Variants in HES3 observed in about 807,000 individuals in gnomAD.
HES3 encodes hes family bHLH transcription factor 3.
HES3 carries 6 observed loss-of-function variants against 8.0 expected under a neutral mutation model. The ratio of observed to expected loss-of-function variants is 0.75; its 90% confidence interval spans 0.41 to 1.49. The LOEUF (loss-of-function observed/expected upper bound fraction) is 1.49, where lower values mean the gene tolerates loss of function less well. Ranked by LOEUF, HES3 falls within the 40% of genes most tolerant of loss-of-function variation. The pLI is 0.01. For synonymous variants in HES3, 121 were observed against 119.4 expected (o/e 1.01, Z -0.09); for missense variants, 266 against 260.9 (o/e 1.02, Z -0.13).
chr1:6,244,241 G>C lies in HES3; in HGVS notation c.-16G>C, dbSNP rs1638252576. ...GCAGCCTCCCCGGCAACTTCCGAAA[G>C]GTCTGGGGTCTTGAGGGACTAGGGG... On this transcript the variant is annotated splice_region_variant and 5_prime_UTR_variant, in exon 1 of 4. Coordinates refer to ENST00000377898, the MANE Select transcript of HES3 (RefSeq NM_001024598.4). 1 of 855,058 alleles carries C rather than the reference G, an allele frequency of 1.2e-6. No individual in the cohort carries two copies. The highest frequency in any genetic ancestry group is 1.9e-6 in the Non-Finnish European group (1 of 514,994). The allele number at this position is 855,058 out of a possible 1,614,324, so 53.0% of individuals were successfully genotyped here.
At chr1:6,244,929 C>T (rs1006474065) in intron 3 of HES3, among the ~76,000 whole-genome samples, 181 bp from the exon 4 acceptor site, 1 of 151,732 alleles carries the variant, frequency 6.6e-6, no homozygotes, top group African/African-American at 2.4e-5. Flanking sequence ...GTCGTCTGAC[C>T]TCCGCCCTCC....
intron 3 of HES3, 85 bp downstream of exon 3, chr1:6,244,714 C>T: frequency 8.1e-7 from 1 of 1,235,510 alleles, no homozygotes; most frequent in Non-Finnish European, 1.2e-6. Context: ...AGGGATACCT[C>T]AAGGACCGCT....
chr1:6,245,311 C>T lies in HES3; in HGVS notation c.365C>T (p.Pro122Leu), dbSNP rs925930860. ...CCCGCGCTGTTCCGCCCTTGCACCC[C>T]TGCCGTCTGGGCTCCTGCTCCGGCC... Reference protein sequence around the residue: ...EAPALFRPCTPAVWAPAPAAG... With the variant: ...EAPALFRPCTLAVWAPAPAAG... The change falls in exon 4 of 4, where the codon CCT (proline) becomes CTT (leucine). Residue 122 changes from proline to leucine, a missense_variant. By Grantham distance (98) the Pro-to-Leu change is moderately conservative. Transcript: ENST00000377898. The T allele has an allele frequency of 5.3e-6, 8 of 1,506,918 alleles. No individual in the cohort carries two copies. Among genetic ancestry groups the T allele is most frequent in the Non-Finnish European group, 7.0e-6 (8 of 1,135,800 alleles). 93.3% of individuals were successfully genotyped at this position (1,506,918 alleles called of 1,614,324 possible).
rs1230996107 is a variant in HES3, at chr1:6,245,477, C to T, written c.531C>T (p.Pro177=). 2 of 1,517,488 alleles carry T rather than the reference C, an allele frequency of 1.3e-6. No homozygotes were observed. The highest frequency in any genetic ancestry group is 3.5e-4 in the Middle Eastern group (2 of 5,748). The allele number at this position is 1,517,488 out of a possible 1,614,324, so 94.0% of individuals were successfully genotyped here. A position where few individuals can be genotyped will look rare whatever the true frequency, so the allele number is the denominator to read the frequency against. The part of the protein sequence containing the change: ...SPGLGLRVWR[P]WGSPGDDLN ...GGCTGGGCCTGCGCGTGTGGCGGCC[C>T]TGGGGAAGCCCCGGGGATGACCTGA... Residue 177 remains proline (P), a synonymous_variant, in exon 4 of 4, where the codon CCC becomes CCT. Coordinates refer to ENST00000377898, the MANE Select transcript of HES3 (RefSeq NM_001024598.4).
chr1:6,244,714 C>A, intron 3 of HES3, 85 bp downstream of exon 3: 1 of 1,235,508 alleles, frequency 8.1e-7, no homozygotes, highest in Non-Finnish European at 1.2e-6. Flanking sequence ...AGGGATACCT[C>A]AAGGACCGCT....
rs1638286242 is a variant in HES3, at chr1:6,245,492, G to A, written c.546G>A (p.Gly182=). ...TGTGGCGGCCCTGGGGAAGCCCCGGGGATGACCTGAACTGAAGGCGCTCCC... is the reference window on the plus strand; with the variant it reads ...TGTGGCGGCCCTGGGGAAGCCCCGGAGATGACCTGAACTGAAGGCGCTCCC... ...LRVWRPWGSP[G]DDLN The change falls in exon 4 of 4, where the codon GGG becomes GGA. Residue 182 remains glycine (G), a synonymous_variant. Coordinates refer to ENST00000377898, the MANE Select transcript of HES3 (RefSeq NM_001024598.4). 2 of 1,511,946 alleles carry A rather than the reference G, an allele frequency of 1.3e-6. No homozygotes were observed. Among genetic ancestry groups the A allele is most frequent in the Non-Finnish European group, 1.7e-6 (2 of 1,144,624 alleles). The allele number at this position is 1,511,946 out of a possible 1,614,324, so 93.7% of individuals were successfully genotyped here.
Position 6,245,086 on chromosome 1 carries a change from T to C in HES3, c.164-24T>C, listed in dbSNP as rs575492349. The C allele has an allele frequency of 5.6e-4, 691 of 1,241,298 alleles. 3 individuals are homozygous for C. In the Middle Eastern group the frequency reaches 7.9e-3, roughly 14 times the overall value. The allele number at this position is 1,241,298 out of a possible 1,614,324, so 76.9% of individuals were successfully genotyped here. On this transcript the variant is annotated intron_variant, in intron 3 of 3. Coordinates refer to ENST00000377898, the MANE Select transcript of HES3 (RefSeq NM_001024598.4). Reference sequence around the variant, plus strand: ...CCTTCCCTCTCTTCCCCTCCCTGTTTCTCGCGTCCGCTCTTCCCCACAGGG... The same window carrying C: ...CCTTCCCTCTCTTCCCCTCCCTGTTCCTCGCGTCCGCTCTTCCCCACAGGG...
chr1:6,244,477 G>GGGGGGGGC, intron 2 of HES3, 31 bp downstream of exon 2: 4 of 1,094,468 alleles, frequency 3.7e-6, no homozygotes, highest in African/African-American at 1.5e-5. Flanking sequence ...GGGTGGGTGG[G>GGGGGGGGC]TGATACGATC....
At chr1:6,245,061 C>G (rs946389408) in intron 3 of HES3, 49 bp from the exon 4 acceptor site, 8 of 957,796 alleles carry the variant, frequency 8.4e-6, no homozygotes, top group African/African-American at 1.7e-5. Flanking sequence ...CTCCCCTTCC[C>G]CTTCCCTCTC....
rs1216829924 is a variant in HES3 at position 6,244,603 on chromosome 1, T to A, written c.137T>A (p.Met46Lys). ...ATCCTGGAGTTGAGCGTGAAGTACATGAGAAGCCTTCAGAACTCCTTGCAA... is the reference window on the plus strand; with the variant it reads ...ATCCTGGAGTTGAGCGTGAAGTACAAGAGAAGCCTTCAGAACTCCTTGCAA... ...ADILELSVKY[M>K]RSLQNSLQGL... Residue 46 changes from methionine (M) to lysine (K), a missense_variant, in exon 3 of 4, where the codon ATG (methionine) becomes AAG (lysine). Physicochemically the swap from Met to Lys is moderately conservative, Grantham distance 95. Transcript: ENST00000377898. 1.2e-5 allele frequency: 20 copies of A among 1,613,398 alleles called. No individual in the cohort carries two copies. The highest frequency in any genetic ancestry group is 1.6e-5 in the Non-Finnish European group (19 of 1,179,886).
In HES3 at chr1:6,245,187, C is replaced by T. The variant is rs1277163744; in HGVS notation, c.241C>T (p.Arg81Trp). ...CCTGCCCGGCGTGAGCCAGCTCCTTCGGCGCGGAGATGAGGTCGGCAGCGG... is the reference window on the plus strand; with the variant it reads ...CCTGCCCGGCGTGAGCCAGCTCCTTTGGCGCGGAGATGAGGTCGGCAGCGG... ...SCLPGVSQLL[R>W]RGDEVGSGLR... The change falls in exon 4 of 4, where the codon CGG (arginine) becomes TGG (tryptophan). Residue 81 changes from arginine (R) to tryptophan (W), a missense_variant. Arg to Trp is a moderately radical substitution (Grantham distance 101). Coordinates refer to ENST00000377898, the MANE Select transcript of HES3 (RefSeq NM_001024598.4). The T allele has an allele frequency of 1.3e-6, 2 of 1,526,726 alleles. No homozygotes were observed. Among genetic ancestry groups the T allele is most frequent in the African/African-American group, 1.4e-5 (1 of 71,548 alleles). The allele number at this position is 1,526,726 out of a possible 1,614,324, so 94.6% of individuals were successfully genotyped here. A position where few individuals can be genotyped will look rare whatever the true frequency, so the allele number is the denominator to read the frequency against.
chr1:6,245,124 C>A lies in HES3; in HGVS notation c.178C>A (p.Pro60Thr). ...QNSLQGLWPVPRGAEQPSGFR... is the reference protein window; with the variant it reads ...QNSLQGLWPVTRGAEQPSGFR... ...CTTCCCCACAGGGCTCTGGCCTGTG[C>A]CCAGGGGAGCCGAGCAACCGTCGGG... Residue 60 changes from proline (P) to threonine (T), a missense_variant, in exon 4 of 4, where the codon CCC becomes ACC. Pro to Thr is a conservative substitution (Grantham distance 38, BLOSUM62 -1). Transcript: ENST00000377898. 2 of 1,525,720 alleles carry A rather than the reference C, an allele frequency of 1.3e-6. No homozygotes were observed. The highest frequency in any genetic ancestry group is 1.7e-6 in the Non-Finnish European group (2 of 1,143,440). The allele number at this position is 1,525,720 out of a possible 1,614,324, so 94.5% of individuals were successfully genotyped here. A position where few individuals can be genotyped will look rare whatever the true frequency, so the allele number is the denominator to read the frequency against.
At chr1:6,244,980 CA>C (rs1400295438) in intron 3 of HES3, 129 bp from the exon 4 acceptor site, 2 of 629,436 alleles carry the variant, frequency 3.2e-6, no homozygotes, top group Non-Finnish European at 5.3e-6. Flanking sequence ...CTTTCCCCTC[CA>C]CCTCCACTCC....
At chr1:6,244,767 C>T (rs1638266436) in intron 3 of HES3, 138 bp downstream of exon 3, 2 of 787,926 alleles carry the variant, frequency 2.5e-6, no homozygotes, top group African/African-American at 1.7e-5. Context: ...CATGGCAAGA[C>T]AGCAAATATA....
At chr1:6,245,008 T>TCCCCCCCCCCCCCCCCC in intron 3 of HES3, 102 bp from the exon 4 acceptor site, 7 of 225,126 alleles carry the variant, frequency 3.1e-5, no homozygotes, top group South Asian at 1.2e-4. Flanking sequence ...CTCCCTCCCT[T>TCCCCCCCCCCCCCCCCC]CCTCCCCTCC....
At position 6,245,235 on chromosome 1, in the gene HES3, G is replaced by A. The variant is rs767255989; in HGVS notation, c.289G>A (p.Glu97Lys). The A allele has an allele frequency of 1.4e-5, 22 of 1,518,646 alleles. No individual in the cohort carries two copies. Among genetic ancestry groups the A allele is most frequent in the Admixed American group, 2.0e-5 (1 of 49,478 alleles). The allele number at this position is 1,518,646 out of a possible 1,614,324, so 94.1% of individuals were successfully genotyped here. The change falls in exon 4 of 4, where the codon GAG becomes AAG. Residue 97 changes from glutamate (E) to lysine (K), a missense_variant. Transcript: ENST00000377898. ...CGGCCTGCGCTGCCCCCTGGTGCCC[G>A]AGAGCGCCGCCGGCAGCACCATGGA... ...GSGLRCPLVP[E>K]SAAGSTMDSA... is the part of the protein sequence containing the mutation.
In HES3 at chr1:6,245,430, A is replaced by T. The variant is rs754923618; in HGVS notation, c.484A>T (p.Ser162Cys). The change falls in exon 4 of 4, where the codon AGT becomes TGT. Residue 162 changes from serine (S) to cysteine (C), a missense_variant. Coordinates refer to ENST00000377898, the MANE Select transcript of HES3 (RefSeq NM_001024598.4). ...ASVPPPQPAS[S>C]RCAESPGLGL... ...CGTCCCCCCGCCGCAGCCAGCGTCG[A>T]GTCGCTGCGCCGAGAGTCCCGGGCT... 11 of 1,555,836 alleles carry T rather than the reference A, an allele frequency of 7.1e-6. No homozygotes were observed. The South Asian group carries it at 1.2e-4, about 17-fold the overall frequency.
chr1:6,244,770 C>A, intron 3 of HES3, 141 bp downstream of exon 3: 1 of 781,190 alleles, frequency 1.3e-6, no homozygotes, highest in Non-Finnish European at 2.1e-6. Context: ...GGCAAGACAG[C>A]AAATATAAAG....
rs1194147630 is a variant in HES3, at chr1:6,245,291, G to T, written c.345G>T (p.Ala115=). The T allele has an allele frequency of 6.7e-6, 10 of 1,497,234 alleles. No individual in the cohort carries two copies. Among genetic ancestry groups the T allele is most frequent in the Non-Finnish European group, 8.8e-6 (10 of 1,132,384 alleles). The allele number at this position is 1,497,234 out of a possible 1,614,324, so 92.7% of individuals were successfully genotyped here. A position where few individuals can be genotyped will look rare whatever the true frequency, so the allele number is the denominator to read the frequency against. ...DSAGLGQEAP[A]LFRPCTPAVW... ...CCGGGTTGGGCCAGGAGGCGCCCGC[G>T]CTGTTCCGCCCTTGCACCCCTGCCG... Residue 115 remains alanine (A), a synonymous_variant, in exon 4 of 4, where the codon GCG becomes GCT. Coordinates refer to ENST00000377898, the MANE Select transcript of HES3 (RefSeq NM_001024598.4).
Sources: allele counts gnomAD v4.1 joint callset (sites outside exome capture counted in the v4.1 genomes callset), GRCh38; gene constraint gnomAD v4.1.1; transcripts MANE v1.5; gene names NCBI Gene and HGNC (gene_info 2026-07-23, HGNC 2026-07-21).